Variants in PAPPA2 observed in about 807,000 individuals in gnomAD.
PAPPA2 encodes pappalysin-2.
A neutral mutation model predicts 176.4 loss-of-function variants in PAPPA2; 86 were observed. The observed-to-expected ratio is 0.49, with a 90% CI of 0.41 to 0.58. The LOEUF is 0.58. Ranked by LOEUF, PAPPA2 falls within the 20% of genes least tolerant of loss-of-function variation. PAPPA2 has a pLI of 0.00. For missense variants in PAPPA2, 2,073 were observed against 2,256.9 expected (o/e 0.92, Z 1.65); for synonymous variants, 809 against 852.2 (o/e 0.95, Z 0.88).
intron 3 of PAPPA2, among the ~76,000 whole-genome samples, chr1:176,668,779 C>A (rs1042963265): frequency 2.6e-5 from 4 of 152,148 alleles, no homozygotes; most frequent in Non-Finnish European, 5.9e-5. Flanking sequence ...AAAATATATT[C>A]TCTCCCTTAT....
intron 2 of PAPPA2, among the ~76,000 whole-genome samples, chr1:176,572,916 T>G (rs1055670248): frequency 1.3e-5 from 2 of 152,214 alleles, no homozygotes; most frequent in East Asian, 3.9e-4. Flanking sequence ...CTAAGGGTAG[T>G]ATTAATTCTA....
chr1:176,507,762 G>T (rs934725421), intron 1 of PAPPA2, among the ~76,000 whole-genome samples: 9 of 148,536 alleles, frequency 6.1e-5, no homozygotes, highest in Non-Finnish European at 4.5e-5. Flanking sequence ...CAGGGATACA[G>T]TAGACATTGT....
At chr1:176,658,319 C>T (rs1443020032) in intron 3 of PAPPA2, among the ~76,000 whole-genome samples, 6 of 151,676 alleles carry the variant, frequency 4.0e-5, no homozygotes. Context: ...AATAAGAATA[C>T]ATTACAGAAT....
chr1:176,673,011 G>T (rs1434186672), intron 4 of PAPPA2, among the ~76,000 whole-genome samples: 1 of 152,106 alleles, frequency 6.6e-6, no homozygotes, highest in African/African-American at 2.4e-5. Context: ...AAGGCATTCA[G>T]ATTTATCTAC....
chr1:176,749,466 TA>T (rs1030244208), intron 14 of PAPPA2, among the ~76,000 whole-genome samples: 5 of 152,222 alleles, frequency 3.3e-5, no homozygotes, highest in African/African-American at 1.2e-4. Flanking sequence ...ATCAAATCTG[TA>T]GTTTACATTA....
chr1:176,469,481 G>A (rs1381327046), intron 1 of PAPPA2, among the ~76,000 whole-genome samples: 1 of 152,138 alleles, frequency 6.6e-6, no homozygotes. Flanking sequence ...AGGATTAACA[G>A]CACCATGGGA....
At chr1:176,789,553 A>G (rs1036471472) in intron 17 of PAPPA2, among the ~76,000 whole-genome samples, 22 of 152,192 alleles carry the variant, frequency 1.4e-4, no homozygotes, top group African/African-American at 5.1e-4. Flanking sequence ...AAAGTATAAT[A>G]ATAATAAAAT....
At chr1:176,504,119 T>C (rs550189205) in intron 1 of PAPPA2, among the ~76,000 whole-genome samples, 1 of 152,248 alleles carries the variant, frequency 6.6e-6, no homozygotes, top group East Asian at 1.9e-4. Context: ...CTCTATGACA[T>C]ACTGTGACAC....
intron 6 of PAPPA2, among the ~76,000 whole-genome samples, chr1:176,693,288 G>A (rs370693866): frequency 6.6e-6 from 1 of 152,176 alleles, no homozygotes; most frequent in South Asian, 2.1e-4. Context: ...TGCAGTAAAC[G>A]CAGTTCCTGC....
intron 2 of PAPPA2, among the ~76,000 whole-genome samples, chr1:176,589,393 G>A (rs1366468569): frequency 2.0e-5 from 3 of 152,176 alleles, no homozygotes; most frequent in African/African-American, 7.2e-5. Flanking sequence ...TTGGAGTTGA[G>A]AGCAGGAATA....
intron 14 of PAPPA2, among the ~76,000 whole-genome samples, chr1:176,759,539 C>T (rs1558566054): frequency 2.0e-5 from 3 of 152,132 alleles, no homozygotes; most frequent in Admixed American, 6.5e-5. Flanking sequence ...TTGTTATAGC[C>T]TTCTGGAGTT....
chr1:176,769,611 A>G lies in PAPPA2; in HGVS notation c.4328A>G (p.Glu1443Gly). The G allele has an allele frequency of 6.2e-7, 1 of 1,613,138 alleles. No homozygotes were observed. The highest frequency in any genetic ancestry group is 1.1e-5 in the South Asian group (1 of 90,810). Reference sequence around the variant, plus strand: ...AAGCAATTTCTCTGTTTCTAGAAGGAAATTCTGCTCACATGTTCTTCTGGG... The same window carrying G: ...AAGCAATTTCTCTGTTTCTAGAAGGGAATTCTGCTCACATGTTCTTCTGGG... The part of the protein sequence containing the change: ...SGQYIRPMQK[E>G]ILLTCSSGHW... Residue 1443 changes from glutamate (E) to glycine (G), a missense_variant, in exon 16 of 23, where the codon GAA (glutamate) becomes GGA (glycine). By Grantham distance (98) the Glu-to-Gly change is moderately conservative. Around this residue, in one of 4 missense-constraint regions of PAPPA2, gnomAD observed 846 missense variants for 857.9 expected, o/e 0.99. Coordinates refer to ENST00000367662, the MANE Select transcript of PAPPA2 (RefSeq NM_020318.3).
At chr1:176,467,006 A>G (rs1415066911) in intron 1 of PAPPA2, among the ~76,000 whole-genome samples, 1 of 152,284 alleles carries the variant, frequency 6.6e-6, no homozygotes, top group East Asian at 1.9e-4. Flanking sequence ...TGATGGAAAT[A>G]TGTTCTGAGA....
chr1:176,575,663 A>T (rs1304679665), intron 2 of PAPPA2, among the ~76,000 whole-genome samples: 1 of 152,260 alleles, frequency 6.6e-6, no homozygotes, highest in Non-Finnish European at 1.5e-5. Flanking sequence ...AAAAATGCCC[A>T]TAATTAATAA....
intron 12 of PAPPA2, among the ~76,000 whole-genome samples, chr1:176,729,975 A>C (rs1016195963): frequency 2.0e-5 from 3 of 151,530 alleles, no homozygotes; most frequent in African/African-American, 7.3e-5. Context: ...TTTTCTTTTT[A>C]GTTGTCAAAT....
intron 3 of PAPPA2, among the ~76,000 whole-genome samples, chr1:176,625,538 C>A (rs769858031): frequency 9.2e-5 from 14 of 152,170 alleles, no homozygotes; most frequent in Non-Finnish European, 1.6e-4. Context: ...GCACTATCTA[C>A]CATTAGTTGA....
At chr1:176,700,610 G>A (rs1288789906) in intron 8 of PAPPA2, among the ~76,000 whole-genome samples, 2 of 152,182 alleles carry the variant, frequency 1.3e-5, no homozygotes, top group Non-Finnish European at 2.9e-5. Context: ...TCATGGTAGT[G>A]GAAGGGTTTC....
Position 176,556,091 on chromosome 1 carries a change from G to A in PAPPA2, c.-232G>A, listed in dbSNP as rs560930563. On this transcript the variant is annotated 5_prime_UTR_variant, in exon 2 of 23. The change creates a new upstream start codon in the 5' untranslated region. Transcript: ENST00000367662. ...AGAGGAGAGAGGTCAAGCGAGAAGC[G>A]TGCGGGAAGCACATGCCCTGGGGAG... 1.6e-4 allele frequency: 89 copies of A among 558,718 alleles called. No individual in the cohort carries two copies. The highest frequency in any genetic ancestry group is 4.2e-4 in the Admixed American group (13 of 30,732). 34.6% of individuals were successfully genotyped at this position (558,718 alleles called of 1,614,324 possible). A position where few individuals can be genotyped will look rare whatever the true frequency, so the allele number is the denominator to read the frequency against.
chr1:176,832,363 CTCT>C (rs1158965329), intron 21 of PAPPA2, among the ~76,000 whole-genome samples: 1 of 152,046 alleles, frequency 6.6e-6, no homozygotes, highest in African/African-American at 2.4e-5. Context: ...ATACGCTGTG[CTCT>C]TCTTTTTTTT....
Sources: allele counts gnomAD v4.1 joint callset (sites outside exome capture counted in the v4.1 genomes callset), GRCh38; gene constraint gnomAD v4.1.1; regional missense constraint gnomAD v4.1.1; transcripts MANE v1.5; gene names NCBI Gene and HGNC (gene_info 2026-07-23, HGNC 2026-07-21).